The following CNIH3 variants were observed in gnomAD, a reference collection of about 807,000 sequenced individuals.
CNIH3 encodes protein cornichon homolog 3.
In CNIH3, 14 loss-of-function variants were observed where a neutral mutation model predicts 24.1. The ratio of observed to expected loss-of-function variants is 0.58; its 90% CI spans 0.38 to 0.91. The LOEUF (loss-of-function observed/expected upper bound fraction) is 0.91, where lower values mean the gene tolerates loss of function less well. CNIH3 is among the 40% of genes least tolerant of loss of function. The pLI, the probability that CNIH3 is intolerant of heterozygous loss-of-function variation, is 0.00. For synonymous variants in CNIH3, 68 were observed against 73.8 expected, an observed-to-expected ratio of 0.92 and a Z score of 0.40; for missense variants, 178 against 196.8, an observed-to-expected ratio of 0.90 and a Z score of 0.57.
downstream of CNIH3, among the ~76,000 whole-genome samples, chr1:224,541,708 T>A (rs1221271341): frequency 6.6e-6 from 1 of 152,214 alleles, no homozygotes; most frequent in African/African-American, 2.4e-5. Flanking sequence ...TGCAACTGGC[T>A]ATTCTTTTTT....
upstream of CNIH3, among the ~76,000 whole-genome samples, chr1:224,612,311 A>G (rs942143602): frequency 6.6e-6 from 1 of 152,072 alleles, no homozygotes; most frequent in Non-Finnish European, 1.5e-5. This position sits in a 1 kb window ranked among gnomAD's most constrained non-coding sequence, Gnocchi z 4.7. Flanking sequence ...TCTTGGGGCC[A>G]GTTTTTTTTT....
At chr1:224,706,626 G>A (rs893259991) in intron 3 of CNIH3, among the ~76,000 whole-genome samples, 1 of 152,152 alleles carries the variant, frequency 6.6e-6, no homozygotes, top group Non-Finnish European at 1.5e-5. Flanking sequence ...TGGGAGGTTT[G>A]CATGTATGTC....
chr1:224,733,080 T>C (rs925055800), intron 4 of CNIH3, among the ~76,000 whole-genome samples: 7 of 152,122 alleles, frequency 4.6e-5, no homozygotes, highest in Non-Finnish European at 8.8e-5. Flanking sequence ...GAAAGTCCCC[T>C]CCTGCTCTGG....
chr1:224,541,938 G>T (rs1260554417), downstream of CNIH3, among the ~76,000 whole-genome samples: 1 of 152,064 alleles, frequency 6.6e-6, no homozygotes, highest in Admixed American at 6.6e-5. Context: ...AATTCAACTT[G>T]CTACTGCTGT....
chr1:224,698,875 G>A (rs1024814998), intron 3 of CNIH3, among the ~76,000 whole-genome samples: 6 of 151,414 alleles, frequency 4.0e-5, no homozygotes, highest in African/African-American at 1.5e-4. Context: ...GAATGAATGA[G>A]TGGAACAAAC....
rs1677127557 is a variant in CNIH3 at position 224,488,705 on chromosome 1, C to T, written n.204-27036C>T. On this transcript the variant is annotated intron_variant and non_coding_transcript_variant, in intron 1 of 5. Coordinates refer to the CNIH3 transcript ENST00000471578. ...CTAGTCTCAAACACCTGGCTTCAAG[C>T]AATCCTCCTGCCCCGTCTTTCCAAA... Among the ~76,000 whole-genome samples the T allele has an allele frequency of 2.0e-5, 3 of 152,170 alleles. No homozygotes were observed. The South Asian group carries it at 6.2e-4, about 32-fold the overall frequency.
At chr1:224,469,513 T>G (rs1676282867) in intron 1 of CNIH3, among the ~76,000 whole-genome samples, 1 of 152,216 alleles carries the variant, frequency 6.6e-6, no homozygotes, top group Non-Finnish European at 1.5e-5. Flanking sequence ...TTTTATTATT[T>G]ATTTGTTTTA....
At chr1:224,691,038 G>C (rs1315222718) in intron 3 of CNIH3, among the ~76,000 whole-genome samples, 1 of 152,230 alleles carries the variant, frequency 6.6e-6, no homozygotes, top group Non-Finnish European at 1.5e-5. Context: ...AGCAGGGGTT[G>C]GAAGAGATGG....
intron 1 of CNIH3, among the ~76,000 whole-genome samples, chr1:224,445,329 A>G (rs1320462210): frequency 6.6e-6 from 1 of 151,958 alleles, no homozygotes; most frequent in Non-Finnish European, 1.5e-5. Flanking sequence ...TAATCTCAGC[A>G]CTTTGGGAGG....
chr1:224,507,740 AC>A (rs891545750), intron 1 of CNIH3, among the ~76,000 whole-genome samples: 2 of 152,200 alleles, frequency 1.3e-5, no homozygotes, highest in Middle Eastern at 3.2e-3. Context: ...CCATAGACTT[AC>A]CAGTGCGGGA....
chr1:224,543,092 G>T (rs1022884417), intron 2 of CNIH3, among the ~76,000 whole-genome samples: 1 of 152,202 alleles, frequency 6.6e-6, no homozygotes, highest in Non-Finnish European at 1.5e-5. Flanking sequence ...ATATCAGCCG[G>T]ATCTCTGGAG....
chr1:224,522,661 A>G (rs1678687590), intron 2 of CNIH3, among the ~76,000 whole-genome samples: 1 of 152,218 alleles, frequency 6.6e-6, no homozygotes, highest in Admixed American at 6.5e-5. Flanking sequence ...AAAAGTGCTC[A>G]GCCTCACCTG....
intron 1 of CNIH3, among the ~76,000 whole-genome samples, chr1:224,485,918 G>C (rs1454458337): frequency 6.6e-6 from 1 of 152,120 alleles, no homozygotes; most frequent in African/African-American, 2.4e-5. Flanking sequence ...CTGGGAACTT[G>C]TTTTCAAGTT....
At chr1:224,455,325 TG>T (rs1264796307) in intron 1 of CNIH3, among the ~76,000 whole-genome samples, 1 of 152,032 alleles carries the variant, frequency 6.6e-6, no homozygotes, top group African/African-American at 2.4e-5. Flanking sequence ...ATGAGTGAGG[TG>T]GGGGCCTGAA....
At position 224,684,243 on chromosome 1, in the gene CNIH3, C is replaced by A. The variant is rs758801648; in HGVS notation, c.151-553C>A. On this transcript the variant is annotated intron_variant, in intron 2 of 5. Transcript: ENST00000272133. This position sits in a 1 kb window ranked among gnomAD's most constrained non-coding sequence, Gnocchi z 4.2. ...GCCAGGCCTTGACAGACTCGAACTT[C>A]TTAAAAAGCCTTAGCCTGGGGGCAT... 2.6e-5 allele frequency among the ~76,000 whole-genome samples: 4 copies of A among 152,216 alleles called. No homozygotes were observed. Among genetic ancestry groups the A allele is most frequent in the Non-Finnish European group, 5.9e-5 (4 of 68,040 alleles).
At chr1:224,563,678 A>G (rs750084518) in intron 3 of CNIH3, among the ~76,000 whole-genome samples, 1 of 152,198 alleles carries the variant, frequency 6.6e-6, no homozygotes, top group East Asian at 1.9e-4. Context: ...TTCAGTACGG[A>G]TGGGACAGAT....
chr1:224,702,168 A>G (rs1687530047), intron 3 of CNIH3, among the ~76,000 whole-genome samples: 1 of 152,170 alleles, frequency 6.6e-6, no homozygotes, highest in Non-Finnish European at 1.5e-5. Flanking sequence ...ATACCATTAC[A>G]TCACCGATAC....
chr1:224,657,894 T>C (rs976591124), intron 1 of CNIH3, among the ~76,000 whole-genome samples: 1 of 152,224 alleles, frequency 6.6e-6, no homozygotes, highest in Non-Finnish European at 1.5e-5. Context: ...GAAGATTGGT[T>C]ATTTCTGTGG....
At chr1:224,552,924 A>G (rs1679983547) in intron 3 of CNIH3, among the ~76,000 whole-genome samples, 1 of 150,666 alleles carries the variant, frequency 6.6e-6, no homozygotes, top group Admixed American at 6.6e-5. Flanking sequence ...TTCCTGTTAT[A>G]TTAGGAGTAA....
Sources: gnomAD v4.1 joint callset for allele counts (sites outside exome capture counted in the v4.1 genomes callset) on GRCh38, gnomAD v4.1.1 for gene constraint, Gnocchi (gnomAD v3.1) non-coding constraint, MANE v1.5 for transcripts, NCBI Gene and HGNC (gene_info 2026-07-23, HGNC 2026-07-21) for gene names.